DNAH10: variants seen among roughly 807,000 people sequenced by gnomAD.
DNAH10 encodes dynein axonemal heavy chain 10, also known as axonemal beta dynein heavy chain 10.
In DNAH10, 348 loss-of-function variants were observed where a neutral mutation model predicts 506.6. That is an observed-to-expected ratio of 0.69 (90% confidence interval 0.63 to 0.75). DNAH10 has a LOEUF of 0.75. DNAH10 is among the 30% of genes least tolerant of loss of function. DNAH10 has a pLI of 0.00. For synonymous variants in DNAH10, 2,059 were observed against 2,198.6 expected, an observed-to-expected ratio of 0.94 and a Z score of 1.78; for missense variants, 5,179 against 5,787.1, an observed-to-expected ratio of 0.89 and a Z score of 3.41.
rs199588578 is a variant in DNAH10 at position 123,845,679 on chromosome 12, G to A, written c.5440G>A (p.Val1814Ile). 1.4e-5 allele frequency: 23 copies of A among 1,613,684 alleles called. No homozygotes were observed. The highest frequency in any genetic ancestry group is 5.3e-5 in the African/African-American group (4 of 74,976). Residue 1814 changes from valine (V) to isoleucine (I), a missense_variant, in exon 31 of 79, where the codon GTC becomes ATC. Val to Ile is a conservative substitution (Grantham distance 29, BLOSUM62 3). Coordinates refer to ENST00000673944, the MANE Select transcript of DNAH10 (RefSeq NM_001372106.1). ...GTGGTGGACCTGGGAGGTGGAAGACGTCTTCCACAAAGCGCAAAAAGGGGA... is the reference window on the plus strand; with the variant it reads ...GTGGTGGACCTGGGAGGTGGAAGACATCTTCCACAAAGCGCAAAAAGGGGA... Reference protein sequence around the residue: ...QVWWTWEVEDVFHKAQKGEKQ... With the variant: ...QVWWTWEVEDIFHKAQKGEKQ...
In DNAH10 at chr12:123,800,440, C is replaced by T. The variant is rs777836337; in HGVS notation, c.2462+52C>T. 46 of 1,519,860 alleles carry T rather than the reference C, an allele frequency of 3.0e-5. No homozygotes were observed. In the East Asian group the frequency reaches 1.0e-3, roughly 34 times the overall value. The allele number at this position is 1,519,860 out of a possible 1,614,324, so 94.1% of individuals were successfully genotyped here. ...CAGTAAGCTTTTTGTTCTTGGGACC[C>T]CTTTACGCTCTTAAAAATTATTGAG... On this transcript the variant is annotated intron_variant, in intron 15 of 78. Transcript: ENST00000673944.
intron 36 of DNAH10, among the ~76,000 whole-genome samples, chr12:123,856,269 T>A (rs1387794682): frequency 6.7e-6 from 1 of 148,984 alleles, no homozygotes; most frequent in African/African-American, 2.4e-5. Flanking sequence ...TATTTCATTT[T>A]AAATTTTATA....
chr12:123,879,453 A>G, intron 49 of DNAH10, 96 bp downstream of exon 49: 1 of 1,484,908 alleles, frequency 6.7e-7, no homozygotes, highest in African/African-American at 1.4e-5. Context: ...ATTGTGGAAA[A>G]ATAGGCACGA....
In DNAH10 at chr12:123,850,837, G is replaced by A; in HGVS notation, c.6103-51G>A. ...CGCAGGCCCCCTTTCCAAGGGGCTGGCCGGCCGGGCCACCTAACTGCTTCT... is the reference window on the plus strand; with the variant it reads ...CGCAGGCCCCCTTTCCAAGGGGCTGACCGGCCGGGCCACCTAACTGCTTCT... On this transcript the variant is annotated intron_variant, in intron 34 of 78. Coordinates refer to ENST00000673944, the MANE Select transcript of DNAH10 (RefSeq NM_001372106.1). The surrounding 1 kb of genome is among the most constrained non-coding windows in gnomAD (Gnocchi z 5.5). 6.4e-7 allele frequency: 1 copy of A among 1,557,632 alleles called. No individual in the cohort carries two copies. Among genetic ancestry groups the A allele is most frequent in the Non-Finnish European group, 8.7e-7 (1 of 1,150,364 alleles).
At chr12:123,852,826 G>C (rs575298052) in intron 35 of DNAH10, among the ~76,000 whole-genome samples, 1 of 152,286 alleles carries the variant, frequency 6.6e-6, no homozygotes, top group South Asian at 2.1e-4. Context: ...CACCCACCTT[G>C]GCGTCCCAAA....
rs1360900039 is a variant in DNAH10, at chr12:123,894,506, C to A, written c.9200-137C>A. 4.4e-6 allele frequency: 3 copies of A among 685,682 alleles called. No individual in the cohort carries two copies. In the African/African-American group the frequency reaches 5.4e-5, roughly 12 times the overall value. The allele number at this position is 685,682 out of a possible 1,614,324, so 42.5% of individuals were successfully genotyped here. A position where few individuals can be genotyped will look rare whatever the true frequency, so the allele number is the denominator to read the frequency against. ...CTCCTGACCTCAAATGATCCACCCGCCTTGGCCTCCCAAAGTGCTGGGATT... is the reference window on the plus strand; with the variant it reads ...CTCCTGACCTCAAATGATCCACCCGACTTGGCCTCCCAAAGTGCTGGGATT... On this transcript the variant is annotated intron_variant, in intron 53 of 78. Transcript: ENST00000673944.
At chr12:123,764,750 C>T (rs1443349590) in intron 1 of DNAH10, among the ~76,000 whole-genome samples, 3 of 152,142 alleles carry the variant, frequency 2.0e-5, no homozygotes, top group Admixed American at 2.0e-4. Flanking sequence ...CTGTCTCTGT[C>T]CCTGGTCTTC....
At chr12:123,808,697 G>T (rs1958809258) in intron 18 of DNAH10, 100 bp from the exon 19 acceptor site, 1 of 1,287,874 alleles carries the variant, frequency 7.8e-7, no homozygotes, top group Non-Finnish European at 1.1e-6. Flanking sequence ...GCCATTGCCT[G>T]TACCTGTGAT....
At chr12:123,933,227 AG>A (rs1475237002) in intron 76 of DNAH10, 103 bp from the exon 77 acceptor site, 1 of 1,135,064 alleles carries the variant, frequency 8.8e-7, no homozygotes, top group African/African-American at 1.6e-5. Flanking sequence ...TTTGCCACTT[AG>A]GTGAAATATG....
rs990309192 is a variant in DNAH10 at position 123,933,446 on chromosome 12, C to A, written c.13412C>A (p.Ser4471Tyr). The A allele has an allele frequency of 5.0e-6, 8 of 1,612,758 alleles. No individual in the cohort carries two copies. Among genetic ancestry groups the A allele is most frequent in the Middle Eastern group, 1.7e-4 (1 of 6,006 alleles). Residue 4471 changes from serine (S) to tyrosine (Y), a missense_variant, in exon 77 of 79, where the codon TCC becomes TAC. Around this residue, in one of 3 missense-constraint regions of DNAH10, gnomAD observed 4,844 missense variants for 5,430.5 expected, o/e 0.89. Coordinates refer to ENST00000673944, the MANE Select transcript of DNAH10 (RefSeq NM_001372106.1). ...CRKNGWPLDR[S>Y]TLFTQVTKFQ... ...AAGAACGGCTGGCCACTGGACCGCT[C>A]CACCTTGTTCACACAAGTGACCAAG...
Position 123,916,656 on chromosome 12 carries a change from G to T in DNAH10, c.10922G>T (p.Arg3641Ile). The stretch of plus-strand genomic sequence containing the variant: ...GAAGTGGACTATGATTCAAATTTCA[G>T]ACTGTACCTGAACACCAAGCTGGCC... ...DKEVDYDSNF[R>I]LYLNTKLANP... is the part of the protein sequence containing the mutation. The change falls in exon 63 of 79, where the codon AGA (arginine) becomes ATA (isoleucine). Residue 3641 changes from arginine (R) to isoleucine (I), a missense_variant. Around this residue, in one of 3 missense-constraint regions of DNAH10, gnomAD observed 4,844 missense variants for 5,430.5 expected, o/e 0.89. Transcript: ENST00000673944. The surrounding 1 kb of genome is among the most constrained non-coding windows in gnomAD (Gnocchi z 4.6). The T allele has an allele frequency of 6.2e-7, 1 of 1,613,888 alleles. No individual in the cohort carries two copies. The highest frequency in any genetic ancestry group is 8.5e-7 in the Non-Finnish European group (1 of 1,179,874).
At chr12:123,786,620 G>C (rs1485273087) in intron 9 of DNAH10, among the ~76,000 whole-genome samples, 1 of 29,218 alleles carries the variant, frequency 3.4e-5, no homozygotes, top group Non-Finnish European at 7.2e-5. Flanking sequence ...TCCTTTTTAT[G>C]GCTAAATCAT....
At chr12:123,776,883 A>G (rs1162348761) in intron 5 of DNAH10, among the ~76,000 whole-genome samples, 2 of 152,198 alleles carry the variant, frequency 1.3e-5, no homozygotes, top group East Asian at 3.9e-4. Context: ...GAAGATGTAC[A>G]TTAACCAAGA....
At chr12:123,868,210 G>T in intron 43 of DNAH10, 91 bp downstream of exon 43, 1 of 1,163,706 alleles carries the variant, frequency 8.6e-7, no homozygotes. Context: ...ATTTCTGTCT[G>T]TATGAGTTTT....
At chr12:123,882,845 A>G (rs1952570389) in intron 51 of DNAH10, among the ~76,000 whole-genome samples, 1 of 151,804 alleles carries the variant, frequency 6.6e-6, no homozygotes, top group Non-Finnish European at 1.5e-5. Flanking sequence ...AAAGAAAAAG[A>G]AATCCCATGC....
Position 123,762,501 on chromosome 12 carries a change from G to A in DNAH10, c.165G>A (p.Ala55=). The change falls in exon 1 of 79, where the codon GCG becomes GCA. Residue 55 remains alanine, a synonymous_variant. Transcript: ENST00000673944. The surrounding 1 kb of genome is among the most constrained non-coding windows in gnomAD (Gnocchi z 5.0). ...CGAGCGAGGAGGAGGGGCCCTCGGCGCTCTTCATCTACCGCACTATGGTGC... is the reference window on the plus strand; with the variant it reads ...CGAGCGAGGAGGAGGGGCCCTCGGCACTCTTCATCTACCGCACTATGGTGC... The part of the protein sequence containing the change: ...NQASEEEGPS[A]LFIYRTMVPE... The A allele has an allele frequency of 1.3e-6, 2 of 1,533,018 alleles. No homozygotes were observed. The highest frequency in any genetic ancestry group is 1.8e-6 in the Non-Finnish European group (2 of 1,137,714). The allele number at this position is 1,533,018 out of a possible 1,614,324, so 95.0% of individuals were successfully genotyped here.
chr12:123,866,763 C>A (rs75507028), intron 41 of DNAH10, among the ~76,000 whole-genome samples: 6,296 of 152,254 alleles, frequency 0.041, 172 homozygotes, highest in Non-Finnish European at 0.061. Flanking sequence ...GGCTGTGTAC[C>A]AATAAACCTT....
In DNAH10 at chr12:123,861,072, C is replaced by T. The variant is rs1173540109; in HGVS notation, c.6810C>T (p.Leu2270=). The T allele has an allele frequency of 6.2e-7, 1 of 1,613,968 alleles. No individual in the cohort carries two copies. The highest frequency in any genetic ancestry group is 8.5e-7 in the Non-Finnish European group (1 of 1,179,894). Residue 2270 remains leucine, a synonymous_variant, in exon 39 of 79, where the codon CTC becomes CTT. Coordinates refer to ENST00000673944, the MANE Select transcript of DNAH10 (RefSeq NM_001372106.1). The part of the protein sequence containing the change: ...LNPKAVSVIE[L]YGILDPTTRD... ...CCAAAGCCGTGAGTGTCATAGAACT[C>T]TACGGCATCCTGGACCCAACCACCC...
At chr12:123,935,063 T>C in intron 78 of DNAH10, 1 of 599,000 alleles carries the variant, frequency 1.7e-6, no homozygotes, top group African/African-American at 1.9e-5. Context: ...CTGCAGACAT[T>C]GCCTGAGTCA....
Sources: allele counts gnomAD v4.1 joint callset (sites outside exome capture counted in the v4.1 genomes callset), GRCh38; gene constraint gnomAD v4.1.1; regional missense constraint gnomAD v4.1.1; non-coding constraint Gnocchi (gnomAD v3.1); transcripts MANE v1.5; gene names NCBI Gene and HGNC (gene_info 2026-07-23, HGNC 2026-07-21).